TRIM23: variants seen among roughly 807,000 people sequenced by gnomAD.
The protein encoded by TRIM23 is E3 ubiquitin-protein ligase TRIM23.
TRIM23 carries 27 observed loss-of-function variants against 71.0 expected under a neutral mutation model. That is an observed-to-expected ratio of 0.38 (90% CI 0.28 to 0.52). The LOEUF is 0.52. Ranked by LOEUF, TRIM23 falls within the 20% of genes least tolerant of loss-of-function variation. TRIM23 has a pLI of 0.84. For synonymous variants in TRIM23, 234 were observed against 238.0 expected (o/e 0.98, Z 0.16); for missense variants, 482 against 692.3 (o/e 0.70, Z 3.41).
chr5:65,613,903 G>A lies in TRIM23; in HGVS notation c.366+195C>T, dbSNP rs768840936. ...AAGTTCACACATAAAGCATAGTTTA[G>A]GCATAGGATTTTCAAATAATTCTAG... On this transcript the variant is annotated intron_variant, in intron 3 of 10. Transcript: ENST00000231524. 7.4e-6 allele frequency: 11 copies of A among 1,486,220 alleles called. No homozygotes were observed. In the South Asian group the frequency reaches 1.2e-4, roughly 17 times the overall value. The allele number at this position is 1,486,220 out of a possible 1,614,324, so 92.1% of individuals were successfully genotyped here.
chr5:65,606,468 CA>C (rs1246379785), intron 6 of TRIM23, among the ~76,000 whole-genome samples: 38 of 58,928 alleles, frequency 6.4e-4, no homozygotes, highest in African/African-American at 5.5e-4. Flanking sequence ...CGCCCCCGGC[CA>C]AAAAAAAAAA....
chr5:65,623,384 G>T (rs1467953302), intron 1 of TRIM23, among the ~76,000 whole-genome samples: 2 of 152,172 alleles, frequency 1.3e-5, no homozygotes, highest in Non-Finnish European at 2.9e-5. Flanking sequence ...CAATCTCTTA[G>T]ATTAGAGATG....
intron 3 of TRIM23, among the ~76,000 whole-genome samples, chr5:65,612,636 T>A (rs1191251993): frequency 6.6e-5 from 10 of 151,928 alleles, no homozygotes; most frequent in African/African-American, 2.4e-4. Flanking sequence ...CTGGCCAACA[T>A]GGGGAAAGTC....
At chr5:65,607,478 T>C (rs1180932490) in intron 6 of TRIM23, among the ~76,000 whole-genome samples, 4 of 152,160 alleles carry the variant, frequency 2.6e-5, no homozygotes, top group Non-Finnish European at 5.9e-5. Flanking sequence ...TTGCTCTCTC[T>C]TTCTCTCCTG....
Position 65,624,311 on chromosome 5 carries a change from G to T in TRIM23, c.-37C>A. ...AAGCGCCACAGAAACAGCCTTCAGA[G>T]TCCTCAACTGAGAGGCGGGGTTGAG... On this transcript the variant is annotated 5_prime_UTR_variant, in exon 1 of 11. Transcript: ENST00000231524. The T allele has an allele frequency of 6.2e-7, 1 of 1,609,390 alleles. No homozygotes were observed. Among genetic ancestry groups the T allele is most frequent in the Non-Finnish European group, 8.5e-7 (1 of 1,178,422 alleles).
At chr5:65,596,792 C>G (rs948498811) in intron 8 of TRIM23, among the ~76,000 whole-genome samples, 1 of 152,108 alleles carries the variant, frequency 6.6e-6, no homozygotes, top group Non-Finnish European at 1.5e-5. Context: ...ACAACTACCC[C>G]CCACCCCACA....
In TRIM23 at chr5:65,591,848, C is replaced by T. The variant is rs371065655; in HGVS notation, c.1646G>A (p.Arg549Gln). The T allele has an allele frequency of 1.8e-5, 29 of 1,613,930 alleles. No individual in the cohort carries two copies. The East Asian group carries it at 5.8e-4, about 32-fold the overall frequency. Reference sequence around the variant, plus strand: ...CCCTTCATACAGTCCCATACCACTTCGAGCATCACAGCCCTGAATATACCA... The same window carrying T: ...CCCTTCATACAGTCCCATACCACTTTGAGCATCACAGCCCTGAATATACCA... ...RSWYIQGCDA[R>Q]SGMGLYEGLD... The change falls in exon 11 of 11, where the codon CGA becomes CAA. Residue 549 changes from arginine (R) to glutamine (Q), a missense_variant. By Grantham distance (43) the Arg-to-Gln change is conservative. Transcript: ENST00000231524.
At position 65,611,653 on chromosome 5, in the gene TRIM23, G is replaced by A. The variant is rs753406435; in HGVS notation, c.595C>T (p.Pro199Ser). ...TCTTTGCAGACACAGCACATGAGTG[G>A]GCTAGTTTGACAACCTTCTTCCAAG... is the stretch of plus-strand genomic sequence containing the variant. ...VCLEEGCQTS[P>S]LMCCVCKEYG... The change falls in exon 4 of 11, where the codon CCA (proline) becomes TCA (serine). Residue 199 changes from proline to serine, a missense_variant. Transcript: ENST00000231524. The A allele has an allele frequency of 2.5e-5, 40 of 1,613,988 alleles. No individual in the cohort carries two copies. The highest frequency in any genetic ancestry group is 2.2e-4 in the Admixed American group (13 of 60,004).
chr5:65,614,647 A>G (rs1284037728), intron 2 of TRIM23, among the ~76,000 whole-genome samples: 2 of 151,378 alleles, frequency 1.3e-5, no homozygotes, highest in Non-Finnish European at 2.9e-5. Flanking sequence ...AGGGACGAGA[A>G]TTGCTTGAAC....
In TRIM23 at chr5:65,609,257, T is replaced by C; in HGVS notation, c.1030A>G (p.Lys344Glu). The change falls in exon 6 of 11, where the codon AAG (lysine) becomes GAG (glutamate). Residue 344 changes from lysine to glutamate, a missense_variant. Coordinates refer to ENST00000231524, the MANE Select transcript of TRIM23 (RefSeq NM_001656.4). ...EVSAACLHCE[K>E]TLQQDDCRVV... is the part of the protein sequence containing the mutation. ...AAACTACCTACCTGCTGCAAAGTCT[T>C]TTCACAGTGGAGGCAGGCTGCAGAA... 6.2e-7 allele frequency: 1 copy of C among 1,614,168 alleles called. No homozygotes were observed. Among genetic ancestry groups the C allele is most frequent in the Non-Finnish European group, 8.5e-7 (1 of 1,180,020 alleles).
At chr5:65,623,632 GTAC>G (rs764065005) in intron 1 of TRIM23, among the ~76,000 whole-genome samples, 8 of 152,194 alleles carry the variant, frequency 5.3e-5, no homozygotes, top group Non-Finnish European at 1.0e-4. Flanking sequence ...TTAATAGACT[GTAC>G]TACTAACAGG....
chr5:65,613,856 C>G (rs1267311697), intron 3 of TRIM23: 4 of 1,405,322 alleles, frequency 2.8e-6, no homozygotes, highest in African/African-American at 1.4e-5. Flanking sequence ...CTTGGTAGAA[C>G]TGAATTATGA....
rs375171175 is a variant in TRIM23, at chr5:65,597,045, A to G, written c.1309+6T>C. 6.2e-7 allele frequency: 1 copy of G among 1,613,850 alleles called. No individual in the cohort carries two copies. Among genetic ancestry groups the G allele is most frequent in the Non-Finnish European group, 8.5e-7 (1 of 1,179,866 alleles). The stretch of plus-strand genomic sequence containing the variant: ...TATTAAGGTAAAAACCAATATTCAT[A>G]CTTACCAATTGTTGGAATGGGCTGC... On this transcript the variant is annotated splice_donor_region_variant and intron_variant, in intron 8 of 10. Coordinates refer to ENST00000231524, the MANE Select transcript of TRIM23 (RefSeq NM_001656.4).
chr5:65,612,967 T>C (rs1178592578), intron 3 of TRIM23, among the ~76,000 whole-genome samples: 1 of 152,186 alleles, frequency 6.6e-6, no homozygotes, highest in African/African-American at 2.4e-5. Context: ...TAATCAAGAA[T>C]GTTTTGAACA....
chr5:65,608,218 G>T (rs1226646426), intron 6 of TRIM23, among the ~76,000 whole-genome samples: 1 of 152,090 alleles, frequency 6.6e-6, no homozygotes, highest in Non-Finnish European at 1.5e-5. Context: ...GAGAAGGGTG[G>T]TCTCCTCACA....
chr5:65,612,142 T>C (rs953692411), intron 3 of TRIM23, among the ~76,000 whole-genome samples: 8 of 152,360 alleles, frequency 5.3e-5, no homozygotes, highest in Admixed American at 2.6e-4. Flanking sequence ...CATAGATTCA[T>C]ATTCGGTGCA....
chr5:65,611,109 T>C (rs952651950), intron 4 of TRIM23, 66 bp from the exon 5 acceptor site: 5 of 1,378,268 alleles, frequency 3.6e-6, no homozygotes, highest in Non-Finnish European at 3.9e-6. Flanking sequence ...AAAAACTATT[T>C]AAATCCCTAT....
rs563702484 is a variant in TRIM23 at position 65,590,668 on chromosome 5, A to C, written c.*1101T>G. ...ATTTACTCACAACACTGAATAATTAATGTAAACTTTTTGAATTTTTTTTTT... is the reference window on the plus strand; with the variant it reads ...ATTTACTCACAACACTGAATAATTACTGTAAACTTTTTGAATTTTTTTTTT... On this transcript the variant is annotated 3_prime_UTR_variant, in exon 11 of 11. Coordinates refer to ENST00000231524, the MANE Select transcript of TRIM23 (RefSeq NM_001656.4). 1 of 984,608 alleles carries C rather than the reference A, an allele frequency of 1.0e-6. No homozygotes were observed. The highest frequency in any genetic ancestry group is 1.1e-4 in the East Asian group (1 of 9,386). 61.0% of individuals were successfully genotyped at this position (984,608 alleles called of 1,614,324 possible). A position where few individuals can be genotyped will look rare whatever the true frequency, so the allele number is the denominator to read the frequency against.
In TRIM23 at chr5:65,591,088, A is replaced by G; in HGVS notation, c.*681T>C. 9.8e-7 allele frequency: 1 copy of G among 1,015,574 alleles called. No homozygotes were observed. Among genetic ancestry groups the G allele is most frequent in the African/African-American group, 1.7e-5 (1 of 57,656 alleles). 62.9% of individuals were successfully genotyped at this position (1,015,574 alleles called of 1,614,324 possible). A position where few individuals can be genotyped will look rare whatever the true frequency, so the allele number is the denominator to read the frequency against. ...CAGTTTTATTACTGTTCAGTTTATT[A>G]CTAACCTGACAAGCCTAATTGGGTA... On this transcript the variant is annotated 3_prime_UTR_variant, in exon 11 of 11. Coordinates refer to ENST00000231524, the MANE Select transcript of TRIM23 (RefSeq NM_001656.4).
Sources: gnomAD v4.1 joint callset for allele counts (sites outside exome capture counted in the v4.1 genomes callset) on GRCh38, gnomAD v4.1.1 for gene constraint, MANE v1.5 for transcripts, NCBI Gene and HGNC (gene_info 2026-07-23, HGNC 2026-07-21) for gene names.